Variants in SKAP2 observed in about 807,000 individuals in gnomAD.
SKAP2 encodes src kinase-associated phosphoprotein 2.
In SKAP2, 28 loss-of-function variants were observed where a neutral mutation model predicts 54.9. The observed-to-expected ratio is 0.51, with a 90% CI of 0.38 to 0.70. The LOEUF is 0.70. Ranked by LOEUF, SKAP2 falls within the 30% of genes least tolerant of loss-of-function variation. The probability of loss-of-function intolerance (pLI) is 0.00; values close to 1 mark genes in which losing one functional copy is unlikely to be tolerated. For missense variants in SKAP2, 356 were observed against 424.1 expected, an observed-to-expected ratio of 0.84 and a Z score of 1.41; for synonymous variants, 137 against 134.3, an observed-to-expected ratio of 1.02 and a Z score of -0.14.
At chr7:26,745,809 C>T (rs1782548740) in intron 4 of SKAP2, among the ~76,000 whole-genome samples, 1 of 152,130 alleles carries the variant, frequency 6.6e-6, no homozygotes, top group East Asian at 1.9e-4. Flanking sequence ...GCCACCATGC[C>T]TGGATAATAG....
chr7:26,783,341 G>A (rs148797465), intron 4 of SKAP2, among the ~76,000 whole-genome samples: 273 of 151,542 alleles, frequency 1.8e-3, no homozygotes, highest in African/African-American at 6.0e-3. Flanking sequence ...AATCCATACC[G>A]TTACTAGGTT....
At chr7:26,718,495 T>A (rs1258372370) in intron 9 of SKAP2, among the ~76,000 whole-genome samples, 1 of 151,554 alleles carries the variant, frequency 6.6e-6, no homozygotes, top group Non-Finnish European at 1.5e-5. Context: ...TTTTATTTTA[T>A]TTTAATTTAT....
At chr7:26,749,402 T>C (rs576559078) in intron 4 of SKAP2, among the ~76,000 whole-genome samples, 1 of 152,264 alleles carries the variant, frequency 6.6e-6, no homozygotes, top group Admixed American at 6.5e-5. Flanking sequence ...TGAAAATTTG[T>C]TGAAGGCATC....
intron 9 of SKAP2, among the ~76,000 whole-genome samples, chr7:26,718,452 A>G (rs1787508483): frequency 6.6e-6 from 1 of 152,010 alleles, no homozygotes; most frequent in Admixed American, 6.5e-5. Context: ...ACTGTTAACA[A>G]AGTTTACGTA....
intron 3 of SKAP2, among the ~76,000 whole-genome samples, chr7:26,849,479 T>A (rs560078599): frequency 1.3e-5 from 2 of 151,758 alleles, no homozygotes; most frequent in South Asian, 2.1e-4. Flanking sequence ...AGGTCAGGAG[T>A]TCGAGACCAG....
chr7:26,701,459 G>C (rs991492920), intron 9 of SKAP2, among the ~76,000 whole-genome samples: 2 of 152,094 alleles, frequency 1.3e-5, no homozygotes, highest in Non-Finnish European at 2.9e-5. Context: ...CAGGCTGGGC[G>C]CAGTGGCTCA....
chr7:26,786,171 G>C (rs920336795), intron 4 of SKAP2, among the ~76,000 whole-genome samples: 1 of 152,134 alleles, frequency 6.6e-6, no homozygotes, highest in Admixed American at 6.5e-5. Flanking sequence ...AATCAAGATG[G>C]GGGAAATTAG....
chr7:26,738,797 T>G lies in SKAP2; in HGVS notation c.467A>C (p.Lys156Thr), dbSNP rs777299001. 1 of 1,573,076 alleles carries G rather than the reference T, an allele frequency of 6.4e-7. No individual in the cohort carries two copies. Among genetic ancestry groups the G allele is most frequent in the South Asian group, 1.1e-5 (1 of 90,098 alleles). The part of the protein sequence containing the change: ...KTVFYYYGSD[K>T]DKQQKGEFAI... Reference sequence around the variant, plus strand: ...ATATAATTGAACACCAACATTACCTTTATCACTTCCATAATAATAGAATAC... The same window carrying G: ...ATATAATTGAACACCAACATTACCTGTATCACTTCCATAATAATAGAATAC... The change falls in exon 6 of 13, where the codon AAA becomes ACA. Residue 156 changes from lysine to threonine, a missense_variant and splice_region_variant. Lys to Thr is a moderately conservative substitution (Grantham distance 78). Coordinates refer to ENST00000345317, the MANE Select transcript of SKAP2 (RefSeq NM_003930.5).
Position 26,864,550 on chromosome 7 carries a change from A to G in SKAP2, c.-121T>C. 1 of 1,449,154 alleles carries G rather than the reference A, an allele frequency of 6.9e-7. No homozygotes were observed. Among genetic ancestry groups the G allele is most frequent in the Non-Finnish European group, 9.1e-7 (1 of 1,101,290 alleles). 89.8% of individuals were successfully genotyped at this position (1,449,154 alleles called of 1,614,324 possible). A position where few individuals can be genotyped will look rare whatever the true frequency, so the allele number is the denominator to read the frequency against. On this transcript the variant is annotated 5_prime_UTR_variant, in exon 1 of 13. Transcript: ENST00000345317. ...CCGGATTAAGAACAGCGGGGCTACG[A>G]GTCGGGACACTGCCGGGCCGGGGCT... is the stretch of plus-strand genomic sequence containing the variant.
At position 26,856,640 on chromosome 7, in the gene SKAP2, T is replaced by C. The variant is rs1246648841; in HGVS notation, c.68-1750A>G. On this transcript the variant is annotated intron_variant, in intron 1 of 12. Coordinates refer to ENST00000345317, the MANE Select transcript of SKAP2 (RefSeq NM_003930.5). ...TCGATATTAGCTGAAATGGAAAAGA[T>C]CACTGGCTCCCCTGAGATCATTACA... Among the ~76,000 whole-genome samples the C allele has an allele frequency of 9.2e-5, 14 of 152,264 alleles. 1 individual carries two copies. In the South Asian group the frequency reaches 2.7e-3, roughly 29 times the overall value.
At chr7:26,695,285 G>T (rs1028600180) in intron 9 of SKAP2, among the ~76,000 whole-genome samples, 2 of 152,040 alleles carry the variant, frequency 1.3e-5, no homozygotes, top group Non-Finnish European at 2.9e-5. Context: ...ACCTGTCCAG[G>T]CATTATTTAA....
At chr7:26,760,236 T>C (rs371011192) in intron 4 of SKAP2, among the ~76,000 whole-genome samples, 12 of 152,010 alleles carry the variant, frequency 7.9e-5, no homozygotes, top group Non-Finnish European at 1.2e-4. Context: ...CTGAAACTAC[T>C]CAAAAGGAAA....
chr7:26,709,899 C>T (rs1449300288), intron 9 of SKAP2, among the ~76,000 whole-genome samples: 1 of 152,086 alleles, frequency 6.6e-6, no homozygotes, highest in Admixed American at 6.5e-5. Context: ...AGCTTTTCAT[C>T]ACTCAATGTA....
chr7:26,809,915 T>C (rs111813351), intron 4 of SKAP2, among the ~76,000 whole-genome samples: 3 of 152,328 alleles, frequency 2.0e-5, no homozygotes, highest in South Asian at 2.1e-4. Flanking sequence ...TGGAATACCA[T>C]TTAGCCTTTC....
chr7:26,739,994 A>AT, intron 4 of SKAP2, 30 bp from the exon 5 acceptor site: 1 of 1,399,234 alleles, frequency 7.1e-7, no homozygotes, highest in Non-Finnish European at 1.0e-6. Context: ...GAAAAAAAAA[A>AT]GCAGTGGGTA....
intron 4 of SKAP2, among the ~76,000 whole-genome samples, chr7:26,806,630 GTAAAGTCA>G (rs1011881952): frequency 1.7e-4 from 26 of 152,174 alleles, no homozygotes; most frequent in African/African-American, 6.3e-4. Flanking sequence ...GAATGCAAAG[GTAAAGTCA>G]TTGAAGGTAA....
chr7:26,796,221 CTG>C (rs1783775761), intron 4 of SKAP2, among the ~76,000 whole-genome samples: 1 of 152,150 alleles, frequency 6.6e-6, no homozygotes, highest in African/African-American at 2.4e-5. Context: ...TAAATCATAA[CTG>C]CATAAAATTA....
chr7:26,800,513 C>A (rs1783890386), intron 4 of SKAP2, among the ~76,000 whole-genome samples: 1 of 144,964 alleles, frequency 6.9e-6, no homozygotes, highest in Non-Finnish European at 1.6e-5. Context: ...AAGACCAGAG[C>A]AGAAATAAAT....
chr7:26,694,035 T>C (rs1786844380), intron 9 of SKAP2, among the ~76,000 whole-genome samples: 1 of 152,166 alleles, frequency 6.6e-6, no homozygotes, highest in African/African-American at 2.4e-5. Flanking sequence ...CTTAAAAATA[T>C]GTAAGAACAA....
Sources: allele counts gnomAD v4.1 joint callset (sites outside exome capture counted in the v4.1 genomes callset), GRCh38; gene constraint gnomAD v4.1.1; transcripts MANE v1.5; gene names NCBI Gene and HGNC (gene_info 2026-07-23, HGNC 2026-07-21).